Variants in TM9SF2 observed in about 807,000 individuals in gnomAD.
The protein encoded by TM9SF2 is transmembrane 9 superfamily member 2, also known as 76 kDa membrane protein.
In TM9SF2, 13 loss-of-function variants were observed where a neutral mutation model predicts 84.9. The observed-to-expected ratio is 0.15, with a 90% CI of 0.10 to 0.24. TM9SF2 has a LOEUF of 0.24. Among genes scored for constraint, TM9SF2 ranks in the 10% least tolerant of loss-of-function variants. The probability of loss-of-function intolerance (pLI) is 1.00; values close to 1 mark genes in which losing one functional copy is unlikely to be tolerated. For missense variants in TM9SF2, 562 were observed against 818.5 expected (o/e 0.69, Z 3.82); for synonymous variants, 273 against 285.8 (o/e 0.96, Z 0.45).
chr13:99,535,016 A>T (rs550607918), intron 4 of TM9SF2, among the ~76,000 whole-genome samples: 1 of 152,094 alleles, frequency 6.6e-6, no homozygotes, highest in African/African-American at 2.4e-5. Flanking sequence ...GCCAGGTGTG[A>T]TGGCATGCAC....
chr13:99,543,046 T>C (rs2046267578), intron 9 of TM9SF2, among the ~76,000 whole-genome samples: 1 of 152,246 alleles, frequency 6.6e-6, no homozygotes. Flanking sequence ...GCTACCTTGC[T>C]GTTCCTCAGA....
In TM9SF2 at chr13:99,501,568, C is replaced by T. The variant is rs143233675; in HGVS notation, c.-39C>T. Reference sequence around the variant, plus strand: ...CTCCCCACCCCTCCTTCCCTCTTGACCCCCTAGGTTTGATTGCCCTTTCCC... The same window carrying T: ...CTCCCCACCCCTCCTTCCCTCTTGATCCCCTAGGTTTGATTGCCCTTTCCC... On this transcript the variant is annotated 5_prime_UTR_variant, in exon 1 of 17. Coordinates refer to ENST00000376387, the MANE Select transcript of TM9SF2 (RefSeq NM_004800.3). 350 of 1,597,038 alleles carry T rather than the reference C, an allele frequency of 2.2e-4. No homozygotes were observed. Among genetic ancestry groups the T allele is most frequent in the Non-Finnish European group, 2.8e-4 (333 of 1,171,602 alleles).
chr13:99,552,297 A>C lies in TM9SF2; in HGVS notation c.1459A>C (p.Ile487Leu), dbSNP rs778587853. Residue 487 changes from isoleucine to leucine, a missense_variant, in exon 13 of 17, where the codon ATT becomes CTT. Ile to Leu is a conservative substitution (Grantham distance 5). Around this residue, in one of 4 missense-constraint regions of TM9SF2, gnomAD observed 219 missense variants for 338.1 expected, o/e 0.65. Transcript: ENST00000376387. ...CTGCATATCTGTGCCTCTGACGTTT[A>C]TTGGTGCATACTTTGGTTTTAAGAA... ...WFCISVPLTF[I>L]GAYFGFKKNA... The C allele has an allele frequency of 6.2e-7, 1 of 1,613,940 alleles. No homozygotes were observed. The highest frequency in any genetic ancestry group is 2.2e-5 in the East Asian group (1 of 44,874).
At chr13:99,559,647 A>G (rs545066936) in intron 16 of TM9SF2, 113 bp downstream of exon 16, 44 of 1,006,766 alleles carry the variant, frequency 4.4e-5, no homozygotes, top group Non-Finnish European at 5.6e-5. Flanking sequence ...GTGCTCCCAT[A>G]TTTAGTCCTC....
At chr13:99,560,268 A>C (rs1162142203) in intron 16 of TM9SF2, among the ~76,000 whole-genome samples, 1 of 152,160 alleles carries the variant, frequency 6.6e-6, no homozygotes, top group African/African-American at 2.4e-5. Context: ...AAAAAGAACA[A>C]GTTTTTTTCC....
At chr13:99,504,232 A>G (rs76110610) in intron 1 of TM9SF2, among the ~76,000 whole-genome samples, 3,892 of 152,304 alleles carry the variant, frequency 0.026, 166 homozygotes, top group African/African-American at 0.087. Context: ...TTATTCAGAA[A>G]AGTGGAAGGA....
intron 12 of TM9SF2, among the ~76,000 whole-genome samples, chr13:99,551,194 A>G (rs2046304292): frequency 6.6e-6 from 1 of 152,238 alleles, no homozygotes; most frequent in Admixed American, 6.5e-5. Flanking sequence ...CACAATCCAT[A>G]TGACAAGCCT....
At chr13:99,540,884 T>G in intron 8 of TM9SF2, 91 bp downstream of exon 8, 1 of 1,198,074 alleles carries the variant, frequency 8.3e-7, no homozygotes, top group Non-Finnish European at 1.2e-6. Context: ...CCTCTCTACT[T>G]TATTCAAAAG....
rs1240288083 is a variant in TM9SF2, at chr13:99,501,561, C to T, written c.-46C>T. On this transcript the variant is annotated 5_prime_UTR_variant, in exon 1 of 17. Coordinates refer to ENST00000376387, the MANE Select transcript of TM9SF2 (RefSeq NM_004800.3). ...TCCGAGACTCCCCACCCCTCCTTCC[C>T]TCTTGACCCCCTAGGTTTGATTGCC... 1 of 1,595,528 alleles carries T rather than the reference C, an allele frequency of 6.3e-7. No homozygotes were observed. The highest frequency in any genetic ancestry group is 8.5e-7 in the Non-Finnish European group (1 of 1,171,246).
chr13:99,551,583 G>A (rs1876848047), intron 12 of TM9SF2, among the ~76,000 whole-genome samples: 4 of 152,208 alleles, frequency 2.6e-5, no homozygotes, highest in Admixed American at 2.6e-4. Flanking sequence ...TAAAAACTGT[G>A]TGGGGGAAGT....
At chr13:99,536,311 T>G (rs2046234129) in intron 4 of TM9SF2, among the ~76,000 whole-genome samples, 1 of 151,842 alleles carries the variant, frequency 6.6e-6, no homozygotes, top group African/African-American at 2.4e-5. Context: ...TTTTTTTTTT[T>G]TCTTTTTTTA....
chr13:99,515,508 C>T (rs2046129996), intron 1 of TM9SF2, among the ~76,000 whole-genome samples: 1 of 152,216 alleles, frequency 6.6e-6, no homozygotes, highest in Non-Finnish European at 1.5e-5. Context: ...GTAGGGGCCA[C>T]ATATGATGCT....
chr13:99,520,205 C>A, intron 3 of TM9SF2, 76 bp downstream of exon 3: 1 of 1,282,946 alleles, frequency 7.8e-7, no homozygotes, highest in Non-Finnish European at 1.1e-6. Context: ...CCTGAGATAA[C>A]TCAGCTATCA....
chr13:99,517,869 A>C (rs2046141686), intron 2 of TM9SF2, among the ~76,000 whole-genome samples, 188 bp downstream of exon 2: 1 of 152,212 alleles, frequency 6.6e-6, no homozygotes, highest in South Asian at 2.1e-4. Context: ...AGAAGCACTG[A>C]CTAAACAATG....
intron 10 of TM9SF2, among the ~76,000 whole-genome samples, chr13:99,546,442 G>T (rs148277729): frequency 6.6e-6 from 1 of 152,152 alleles, no homozygotes; most frequent in African/African-American, 2.4e-5. Context: ...GGGTTTCCCC[G>T]TATTGCTGAC....
chr13:99,506,057 T>C (rs887052036), intron 1 of TM9SF2, among the ~76,000 whole-genome samples: 13 of 152,226 alleles, frequency 8.5e-5, no homozygotes, highest in African/African-American at 3.1e-4. Context: ...TAACAACTTT[T>C]TAATAAAAAG....
chr13:99,538,010 A>G, intron 6 of TM9SF2, 147 bp downstream of exon 6: 1 of 1,198,740 alleles, frequency 8.3e-7, no homozygotes, highest in Non-Finnish European at 1.1e-6. Flanking sequence ...TGTTATTGTT[A>G]TGGGTTGTCC....
chr13:99,529,663 A>C, intron 4 of TM9SF2, 69 bp downstream of exon 4: 1 of 1,374,320 alleles, frequency 7.3e-7, no homozygotes, highest in Non-Finnish European at 9.5e-7. Context: ...CTTTGACTAT[A>C]TAAATTACTT....
chr13:99,520,154 A>C (rs1439791446), intron 3 of TM9SF2, 25 bp downstream of exon 3: 1 of 1,564,748 alleles, frequency 6.4e-7, no homozygotes, highest in East Asian at 2.3e-5. Context: ...TTACATAATA[A>C]TTATTTACTT....
Sources: gnomAD v4.1 joint callset for allele counts (sites outside exome capture counted in the v4.1 genomes callset) on GRCh38, gnomAD v4.1.1 for gene constraint, gnomAD v4.1.1 regional missense constraint, MANE v1.5 for transcripts, NCBI Gene and HGNC (gene_info 2026-07-23, HGNC 2026-07-21) for gene names.